GEMIN4: variants seen among roughly 807,000 people sequenced by gnomAD.
GEMIN4 encodes gem-associated protein 4.
Under a neutral mutation model 76.8 loss-of-function variants are expected in GEMIN4, and 59 were observed. The ratio of observed to expected loss-of-function variants is 0.77; its 90% confidence interval spans 0.62 to 0.95. GEMIN4 has a LOEUF of 0.95. Ranked by LOEUF, GEMIN4 falls within the 40% of genes least tolerant of loss-of-function variation. GEMIN4 has a pLI of 0.00. For missense variants in GEMIN4, 1,311 were observed against 1,318.9 expected (o/e 0.99, Z 0.09); for synonymous variants, 562 against 559.7 (o/e 1.00, Z -0.06).
At chr17:753,881 CCA>C (rs1904877766), upstream of GEMIN4, 1 of 152,266 alleles carries the variant, frequency 6.6e-6, no homozygotes. Context: ...TACCCCAGCA[CCA>C]CAGAGGGGAG....
At position 752,216 on chromosome 17, in the gene GEMIN4, C is replaced by A. The variant is rs1210802312; in HGVS notation, c.-74G>T. ...GAACTCGAACGCGGCGCGGGACGCA[C>A]GGCACGATGGGAGACGCAGGAGCCA... On this transcript the variant is annotated 5_prime_UTR_variant, in exon 1 of 2. Transcript: ENST00000319004. 2.4e-6 allele frequency: 3 copies of A among 1,229,980 alleles called. No homozygotes were observed. Among genetic ancestry groups the A allele is most frequent in the African/African-American group, 3.1e-5 (2 of 64,264 alleles). 76.2% of individuals were successfully genotyped at this position (1,229,980 alleles called of 1,614,324 possible).
Position 752,253 on chromosome 17 carries a change from C to G in GEMIN4, c.-111G>C, listed in dbSNP as rs1884727. The G allele has an allele frequency of 0.11, 130,433 of 1,227,494 alleles. 7,798 individuals carry two copies. Among genetic ancestry groups the G allele is most frequent in the East Asian group, 0.26 (8,276 of 31,434 alleles). 76.0% of individuals were successfully genotyped at this position (1,227,494 alleles called of 1,614,324 possible). A position where few individuals can be genotyped will look rare whatever the true frequency, so the allele number is the denominator to read the frequency against. On this transcript the variant is annotated 5_prime_UTR_variant, in exon 1 of 2. Transcript: ENST00000319004. The stretch of plus-strand genomic sequence containing the variant: ...AGACGCAGGAGCCACGGCGGCCGCG[C>G]TTAGGCCTGCTCACAACCTCCGCCC...
intron 1 of GEMIN4, chr17:748,679 C>A: frequency 4.3e-6 from 1 of 234,120 alleles, no homozygotes; most frequent in South Asian, 4.6e-5. Flanking sequence ...AGCAATCACA[C>A]AGCCACAGGG....
intron 1 of GEMIN4, among the ~76,000 whole-genome samples, chr17:749,537 C>G (rs1312985027): frequency 7.0e-6 from 1 of 142,200 alleles, no homozygotes; most frequent in Non-Finnish European, 1.5e-5. Context: ...ATGGGCACAG[C>G]AGCAATCACA....
intron 1 of GEMIN4, among the ~76,000 whole-genome samples, chr17:751,037 G>A (rs936447096): frequency 6.6e-6 from 1 of 152,202 alleles, no homozygotes; most frequent in Admixed American, 6.5e-5. Flanking sequence ...GGCGCATTAA[G>A]TACGCACAGT....
upstream of GEMIN4, chr17:752,264 TCACAACCTCCGCCCGGCCCCGCC>T (rs1456778516): frequency 3.3e-6 from 4 of 1,226,388 alleles, no homozygotes; most frequent in East Asian, 1.3e-4. Flanking sequence ...TTAGGCCTGC[TCACAACCTCCGCCCGGCCCCGCC>T]CACAGCCTCC....
rs897952883 is a variant in GEMIN4, at chr17:752,261, T to C, written c.-119A>G. 8.2e-7 allele frequency: 1 copy of C among 1,226,822 alleles called. No homozygotes were observed. Among genetic ancestry groups the C allele is most frequent in the Non-Finnish European group, 1.0e-6 (1 of 984,828 alleles). 76.0% of individuals were successfully genotyped at this position (1,226,822 alleles called of 1,614,324 possible). A position where few individuals can be genotyped will look rare whatever the true frequency, so the allele number is the denominator to read the frequency against. ...GAGCCACGGCGGCCGCGCTTAGGCC[T>C]GCTCACAACCTCCGCCCGGCCCCGC... is the stretch of plus-strand genomic sequence containing the variant. On this transcript the variant is annotated 5_prime_UTR_variant, in exon 1 of 2. Transcript: ENST00000319004.
At position 746,977 on chromosome 17, in the gene GEMIN4, TGAAG is replaced by T; in HGVS notation, c.1062_1065del (p.Phe355AlafsTer8). The T allele has an allele frequency of 1.2e-6, 2 of 1,613,134 alleles. No individual in the cohort carries two copies. Among genetic ancestry groups the T allele is most frequent in the Non-Finnish European group, 1.7e-6 (2 of 1,179,716 alleles). ...TTCAGGTAGAGCGTCGCGTTCTGGC[TGAAG>T]GAAGTCAGACTGTCGCACAGCCGGT... On this transcript the variant is annotated frameshift_variant, in exon 2 of 2. Transcript: ENST00000319004. LOFTEE classifies it high-confidence loss of function. The surrounding 1 kb of genome is among the most constrained non-coding windows in gnomAD (Gnocchi z 4.3).
chr17:747,545 C>T lies in GEMIN4; in HGVS notation c.498G>A (p.Glu166=), dbSNP rs773247285. ...GCGGGTGACCCTTGTGCTTCATCACCTCCCACCAGACGTCCAGGAAGAAGG... is the reference window on the plus strand; with the variant it reads ...GCGGGTGACCCTTGTGCTTCATCACTTCCCACCAGACGTCCAGGAAGAAGG... The part of the protein sequence containing the change: ...DVAFFLDVWW[E]VMKHKGHPQD... The change falls in exon 2 of 2, where the codon GAG becomes GAA. Residue 166 remains glutamate (E), a synonymous_variant. Transcript: ENST00000319004. 1.2e-6 allele frequency: 2 copies of T among 1,613,768 alleles called. No individual in the cohort carries two copies. The highest frequency in any genetic ancestry group is 1.7e-6 in the Non-Finnish European group (2 of 1,179,894).
chr17:750,316 A>G (rs1288833172), intron 1 of GEMIN4, among the ~76,000 whole-genome samples: 2 of 152,214 alleles, frequency 1.3e-5, no homozygotes, highest in Non-Finnish European at 2.9e-5. Flanking sequence ...ATACCAGTCA[A>G]GCCCTTGCTA....
Position 745,747 on chromosome 17 carries a change from G to A in GEMIN4, c.2296C>T (p.Leu766=). The part of the protein sequence containing the change: ...LSWLHRKLEQ[L]DWTVGLRLKS... The stretch of plus-strand genomic sequence containing the variant: ...AGCCTCAGGCCCACAGTCCAGTCTA[G>A]CTGTTCTAACTTGCGGTGGAGCCAG... The change falls in exon 2 of 2, where the codon CTA becomes TTA. Residue 766 remains leucine (L), a synonymous_variant. Coordinates refer to ENST00000319004, the MANE Select transcript of GEMIN4 (RefSeq NM_015721.3). This position sits in a 1 kb window ranked among gnomAD's most constrained non-coding sequence, Gnocchi z 4.6. 9 of 1,609,772 alleles carry A rather than the reference G, an allele frequency of 5.6e-6. No homozygotes were observed. Among genetic ancestry groups the A allele is most frequent in the Non-Finnish European group, 7.6e-6 (9 of 1,178,106 alleles).
At position 749,449 on chromosome 17, in the gene GEMIN4, G is replaced by A. The variant is rs61579041; in HGVS notation, c.11-1417C>T. ...GTAATGGGCACAGAAGCAATCACAC[G>A]GCTACAGGATAATGGGCACAGAGCA... On this transcript the variant is annotated intron_variant, in intron 1 of 1. Transcript: ENST00000319004. 9.5e-3 allele frequency: 1,422 copies of A among 149,912 alleles called. 33 individuals carry two copies. Among genetic ancestry groups the A allele is most frequent in the African/African-American group, 0.038 (1,306 of 34,416 alleles). The allele number at this position is 149,912 out of a possible 1,614,324, so 9.3% of individuals were successfully genotyped here.
At chr17:749,963 T>G (rs1904576295) in intron 1 of GEMIN4, 1 of 985,630 alleles carries the variant, frequency 1.0e-6, no homozygotes, top group Non-Finnish European at 1.2e-6. Context: ...GATTAAGCCT[T>G]CCTTCAGGGA....
Position 748,446 on chromosome 17 carries a change from C to T in GEMIN4, c.11-414G>A, listed in dbSNP as rs529211037. ...CCAGAGGGGATCACCGGAACCAAGA[C>T]GGTGAATGAGATCCTTCAGGAAAAG... On this transcript the variant is annotated intron_variant, in intron 1 of 1. Transcript: ENST00000319004. 2.5e-4 allele frequency: 45 copies of T among 179,122 alleles called. No homozygotes were observed. In the Middle Eastern group the frequency reaches 0.028, roughly 111 times the overall value. 11.1% of individuals were successfully genotyped at this position (179,122 alleles called of 1,614,324 possible). A position where few individuals can be genotyped will look rare whatever the true frequency, so the allele number is the denominator to read the frequency against.
chr17:749,011 A>C (rs1904472715), intron 1 of GEMIN4: 1 of 85,494 alleles, frequency 1.2e-5, no homozygotes, highest in Non-Finnish European at 2.2e-5. Context: ...AGCAGCAATC[A>C]CACGGCCACA....
Position 752,239 on chromosome 17 carries a change from C to A in GEMIN4, c.-97G>T. The A allele has an allele frequency of 2.4e-6, 3 of 1,228,536 alleles. No homozygotes were observed. The highest frequency in any genetic ancestry group is 3.0e-6 in the Non-Finnish European group (3 of 985,432). The allele number at this position is 1,228,536 out of a possible 1,614,324, so 76.1% of individuals were successfully genotyped here. A position where few individuals can be genotyped will look rare whatever the true frequency, so the allele number is the denominator to read the frequency against. ...CACGGCACGATGGGAGACGCAGGAG[C>A]CACGGCGGCCGCGCTTAGGCCTGCT... is the stretch of plus-strand genomic sequence containing the variant. On this transcript the variant is annotated 5_prime_UTR_variant, in exon 1 of 2. Transcript: ENST00000319004.
At position 744,840 on chromosome 17, in the gene GEMIN4, G is replaced by A. The variant is rs772498763; in HGVS notation, c.*26C>T. 1.9e-6 allele frequency: 3 copies of A among 1,589,178 alleles called. No homozygotes were observed. Among genetic ancestry groups the A allele is most frequent in the Non-Finnish European group, 2.6e-6 (3 of 1,169,356 alleles). On this transcript the variant is annotated 3_prime_UTR_variant, in exon 2 of 2. Transcript: ENST00000319004. ...TGCTGATCTTCTGCAGACCCGCCAT[G>A]TTGGGGCCCAGCTCCCCACGCCAAG...
Position 744,588 on chromosome 17 carries a change from A to G in GEMIN4, c.*278T>C, listed in dbSNP as rs1974315355. On this transcript the variant is annotated 3_prime_UTR_variant, in exon 2 of 2. Coordinates refer to ENST00000319004, the MANE Select transcript of GEMIN4 (RefSeq NM_015721.3). The stretch of plus-strand genomic sequence containing the variant: ...TTCAGAGCATATTTAATCCTGGGCT[A>G]TTGCTGAGGCCGACTTAGAAGAGAC... 2 of 323,314 alleles carry G rather than the reference A, an allele frequency of 6.2e-6. No homozygotes were observed. Among genetic ancestry groups the G allele is most frequent in the South Asian group, 1.2e-4 (2 of 16,376 alleles). 20.0% of individuals were successfully genotyped at this position (323,314 alleles called of 1,614,324 possible). A position where few individuals can be genotyped will look rare whatever the true frequency, so the allele number is the denominator to read the frequency against.
Position 747,442 on chromosome 17 carries a change from T to A in GEMIN4, c.601A>T (p.Lys201Ter), listed in dbSNP as rs553730469. 1 of 1,613,512 alleles carries A rather than the reference T, an allele frequency of 6.2e-7. No individual in the cohort carries two copies. Among genetic ancestry groups the A allele is most frequent in the African/African-American group, 1.3e-5 (1 of 74,856 alleles). ...PALDEFPHPP[K>*]RLRSDPDACP... ...GCGTCTGGGTCTGACCTAAGCCTCT[T>A]TGGAGGATGGGGGAACTCATCTAAG... Residue 201 changes from lysine (K) to a stop codon, truncating the protein, a stop_gained, in exon 2 of 2, where the codon AAG becomes TAG. Transcript: ENST00000319004. LOFTEE classifies it high-confidence loss of function.
Sources: allele counts gnomAD v4.1 joint callset (sites outside exome capture counted in the v4.1 genomes callset), GRCh38; gene constraint gnomAD v4.1.1; non-coding constraint Gnocchi (gnomAD v3.1); transcripts MANE v1.5; gene names NCBI Gene and HGNC (gene_info 2026-07-23, HGNC 2026-07-21).